The following RIPK2 variants were observed in gnomAD, a reference collection of about 807,000 sequenced individuals.
RIPK2 encodes the protein receptor interacting serine/threonine kinase 2, also known as receptor-interacting serine/threonine-protein kinase 2.
Under a neutral mutation model 60.9 loss-of-function variants are expected in RIPK2, and 38 were observed. The observed-to-expected ratio is 0.62, with a 90% CI of 0.48 to 0.82. RIPK2 has a LOEUF of 0.82. Among genes scored for constraint, RIPK2 ranks in the 40% least tolerant of loss-of-function variants. The pLI, the probability that RIPK2 is intolerant of heterozygous loss-of-function variation, is 0.00. For missense variants in RIPK2, 518 were observed against 647.0 expected, an observed-to-expected ratio of 0.80 and a Z score of 2.16; for synonymous variants, 225 against 223.4, an observed-to-expected ratio of 1.01 and a Z score of -0.06.
intron 2 of RIPK2, 126 bp downstream of exon 2, chr8:89,763,108 C>G: frequency 3.5e-6 from 2 of 571,078 alleles, no homozygotes; most frequent in Non-Finnish European, 5.3e-6. Flanking sequence ...TAATGAAAAA[C>G]TATCACAGGG....
Position 89,772,779 on chromosome 8 carries a change from A to G in RIPK2, c.804A>G (p.Leu268=), listed in dbSNP as rs1362003304. The G allele has an allele frequency of 2.5e-6, 4 of 1,610,742 alleles. No homozygotes were observed. The highest frequency in any genetic ancestry group is 1.1e-5 in the South Asian group (1 of 90,538). The part of the protein sequence containing the change: ...DIPHRARMIS[L]IESGWAQNPD... ...CTCACCGAGCACGTATGATCTCTCT[A>G]ATAGAAAGTGGATGGGCACAAAATC... Residue 268 remains leucine (L), a synonymous_variant, in exon 6 of 11, where the codon CTA becomes CTG. Coordinates refer to ENST00000220751, the MANE Select transcript of RIPK2 (RefSeq NM_003821.6).
At chr8:89,779,310 GTTTTTT>G (rs55784154) in intron 6 of RIPK2, among the ~76,000 whole-genome samples, 2 of 79,094 alleles carry the variant, frequency 2.5e-5, no homozygotes, top group African/African-American at 5.8e-5. Context: ...CGGTTTTTGG[GTTTTTT>G]TTTTTTTTTT....
chr8:89,781,369 T>A (rs909845129), intron 7 of RIPK2, among the ~76,000 whole-genome samples: 1 of 87,618 alleles, frequency 1.1e-5, no homozygotes, highest in African/African-American at 5.0e-5. Flanking sequence ...TTTTTTTTTT[T>A]TTTTTTTAGT....
rs367548373 is a variant in RIPK2 at position 89,779,973 on chromosome 8, T to C, written c.854-102T>C. The C allele has an allele frequency of 9.9e-5, 62 of 626,854 alleles. No homozygotes were observed. The East Asian group carries it at 1.6e-3, about 16-fold the overall frequency. 38.8% of individuals were successfully genotyped at this position (626,854 alleles called of 1,614,324 possible). A position where few individuals can be genotyped will look rare whatever the true frequency, so the allele number is the denominator to read the frequency against. Reference sequence around the variant, plus strand: ...GTAAAACAGCTGAATGTCATCACTTTGGGGAAAAACTGACTTGAGGCCTTG... The same window carrying C: ...GTAAAACAGCTGAATGTCATCACTTCGGGGAAAAACTGACTTGAGGCCTTG... On this transcript the variant is annotated intron_variant, in intron 6 of 10. Coordinates refer to ENST00000220751, the MANE Select transcript of RIPK2 (RefSeq NM_003821.6).
chr8:89,766,023 C>T (rs1015622485), intron 3 of RIPK2, among the ~76,000 whole-genome samples: 4 of 151,724 alleles, frequency 2.6e-5, no homozygotes, highest in African/African-American at 9.7e-5. Context: ...AATCTGTACC[C>T]CTAACAACCA....
rs1424775989 is a variant in RIPK2, at chr8:89,757,874, G to A, written c.-187G>A. The A allele has an allele frequency of 7.3e-7, 1 of 1,368,574 alleles. No homozygotes were observed. 84.8% of individuals were successfully genotyped at this position (1,368,574 alleles called of 1,614,324 possible). On this transcript the variant is annotated 5_prime_UTR_variant, in exon 1 of 11. Transcript: ENST00000220751. Reference sequence around the variant, plus strand: ...TAGAAAAGAAGTCAGCTCTGGTTCGGAGAAGCAGCGGCTGGCGTGGGCCAT... The same window carrying A: ...TAGAAAAGAAGTCAGCTCTGGTTCGAAGAAGCAGCGGCTGGCGTGGGCCAT...
At chr8:89,780,394 A>T (rs935921453) in intron 7 of RIPK2, 2 of 256,842 alleles carry the variant, frequency 7.8e-6, no homozygotes, top group African/African-American at 4.6e-5. Context: ...TTCCAGGACC[A>T]GGCGTGGTGA....
At chr8:89,778,251 A>G (rs1809435002) in intron 6 of RIPK2, among the ~76,000 whole-genome samples, 1 of 152,198 alleles carries the variant, frequency 6.6e-6, no homozygotes, top group Non-Finnish European at 1.5e-5. Flanking sequence ...TACATATTAA[A>G]TGGCAAAGTA....
chr8:89,776,047 A>G (rs1809394079), intron 6 of RIPK2, among the ~76,000 whole-genome samples: 2 of 152,214 alleles, frequency 1.3e-5, no homozygotes, highest in Non-Finnish European at 2.9e-5. Context: ...TAGCTTTACC[A>G]GCCCACCACA....
At chr8:89,777,040 G>C (rs2130568929) in intron 6 of RIPK2, among the ~76,000 whole-genome samples, 1 of 152,234 alleles carries the variant, frequency 6.6e-6, no homozygotes, top group South Asian at 2.1e-4. Flanking sequence ...GGACACTCAG[G>C]GTCAAGGAAA....
At chr8:89,771,893 G>A (rs960049186) in intron 5 of RIPK2, 103 bp downstream of exon 5, 52 of 815,540 alleles carry the variant, frequency 6.4e-5, no homozygotes, top group Middle Eastern at 2.6e-4. Context: ...TATTCATTTT[G>A]TGGAAAACAC....
In RIPK2 at chr8:89,758,218, C is replaced by A. The variant is rs756962812; in HGVS notation, c.158C>A (p.Thr53Asn). 2 of 1,607,390 alleles carry A rather than the reference C, an allele frequency of 1.2e-6. No homozygotes were observed. Among genetic ancestry groups the A allele is most frequent in the South Asian group, 2.2e-5 (2 of 90,132 alleles). ...QVAVKHLHIHTPLLDSERKDV... is the reference protein window; with the variant it reads ...QVAVKHLHIHNPLLDSERKDV... ...GCCGTGAAGCACCTGCACATCCACA[C>A]TCCGCTGCTCGACAGGTAGGCAGTC... The change falls in exon 1 of 11, where the codon ACT becomes AAT. Residue 53 changes from threonine (T) to asparagine (N), a missense_variant. Transcript: ENST00000220751.
At chr8:89,787,238 A>G (rs542313905) in intron 9 of RIPK2, among the ~76,000 whole-genome samples, 1 of 152,330 alleles carries the variant, frequency 6.6e-6, no homozygotes, top group South Asian at 2.1e-4. Context: ...CTCTTACAAG[A>G]AAAAGGAGAA....
chr8:89,762,930 G>A lies in RIPK2; in HGVS notation c.275G>A (p.Gly92Glu). 6.5e-7 allele frequency: 1 copy of A among 1,534,782 alleles called. No individual in the cohort carries two copies. Among genetic ancestry groups the A allele is most frequent in the East Asian group, 2.3e-5 (1 of 42,732 alleles). ...ATTTGCAATGAGCCTGAATTTTTGG[G>A]AATAGTTACTGAATACATGCCAAAT... ...LGICNEPEFL[G>E]IVTEYMPNGS... Residue 92 changes from glycine to glutamate, a missense_variant, in exon 2 of 11, where the codon GGA becomes GAA. By Grantham distance (98) the Gly-to-Glu change is moderately conservative. Coordinates refer to ENST00000220751, the MANE Select transcript of RIPK2 (RefSeq NM_003821.6).
chr8:89,759,484 C>G, intron 1 of RIPK2: 1 of 437,772 alleles, frequency 2.3e-6, no homozygotes, highest in East Asian at 7.1e-5. Flanking sequence ...TCAGCTTCCG[C>G]CCTGCCAAAG....
intron 1 of RIPK2, 63 bp downstream of exon 1, chr8:89,758,296 A>T: frequency 6.8e-7 from 1 of 1,468,006 alleles, no homozygotes; most frequent in Non-Finnish European, 9.1e-7. Context: ...AAGCCCCCTG[A>T]CAAGCGGGCT....
rs373248246 is a variant in RIPK2, at chr8:89,765,271, A to G, written c.328-70A>G. Reference sequence around the variant, plus strand: ...ACTGTATTTCCTCATGGAATATTTAACTTTCTAAGTGTGAAACATAGTGAA... The same window carrying G: ...ACTGTATTTCCTCATGGAATATTTAGCTTTCTAAGTGTGAAACATAGTGAA... On this transcript the variant is annotated intron_variant, in intron 2 of 10. Coordinates refer to ENST00000220751, the MANE Select transcript of RIPK2 (RefSeq NM_003821.6). 4.5e-5 allele frequency: 49 copies of G among 1,087,038 alleles called. 1 individual carries two copies. Among genetic ancestry groups the G allele is most frequent in the South Asian group, 3.6e-4 (24 of 66,764 alleles). The allele number at this position is 1,087,038 out of a possible 1,614,324, so 67.3% of individuals were successfully genotyped here. A position where few individuals can be genotyped will look rare whatever the true frequency, so the allele number is the denominator to read the frequency against.
chr8:89,785,447 A>C (rs1809570787), intron 8 of RIPK2, among the ~76,000 whole-genome samples: 1 of 152,178 alleles, frequency 6.6e-6, no homozygotes. Context: ...CCACCTCAAA[A>C]AAAAAAACTT....
At chr8:89,787,684 T>A (rs1308210588) in intron 9 of RIPK2, among the ~76,000 whole-genome samples, 4 of 152,230 alleles carry the variant, frequency 2.6e-5, no homozygotes, top group African/African-American at 9.6e-5. Context: ...TCAGCTGAAC[T>A]ATTTGGACTT....
Sources: gnomAD v4.1 joint callset for allele counts (sites outside exome capture counted in the v4.1 genomes callset) on GRCh38, gnomAD v4.1.1 for gene constraint, MANE v1.5 for transcripts, NCBI Gene and HGNC (gene_info 2026-07-23, HGNC 2026-07-21) for gene names.